The following DSCAML1 variants were observed in gnomAD, a reference collection of about 807,000 sequenced individuals.
DSCAML1 encodes DS cell adhesion molecule like 1, also known as cell adhesion molecule DSCAML1.
Under a neutral mutation model 200.5 loss-of-function variants are expected in DSCAML1, and 38 were observed. The observed-to-expected ratio is 0.19, with a 90% confidence interval of 0.15 to 0.25. The LOEUF (loss-of-function observed/expected upper bound fraction) is 0.25, where lower values mean the gene tolerates loss of function less well. Ranked by LOEUF, DSCAML1 falls within the 10% of genes least tolerant of loss-of-function variation. DSCAML1 has a pLI of 1.00. For missense variants in DSCAML1, 2,223 were observed against 2,858.8 expected (o/e 0.78, Z 5.07); for synonymous variants, 1,215 against 1,165.0 (o/e 1.04, Z -0.87).
At chr11:117,446,951 T>C (rs960201992) in intron 20 of DSCAML1, among the ~76,000 whole-genome samples, 5 of 152,152 alleles carry the variant, frequency 3.3e-5, no homozygotes, top group Admixed American at 6.5e-5. Context: ...TACAGAACAA[T>C]GGGAGACTGG....
intron 3 of DSCAML1, among the ~76,000 whole-genome samples, chr11:117,720,468 G>A (rs769636934): frequency 6.6e-6 from 1 of 152,186 alleles, no homozygotes; most frequent in African/African-American, 2.4e-5. Flanking sequence ...CCAGCCTCCC[G>A]GCCTTTGGAG....
chr11:117,574,521 A>G (rs1423441802), intron 3 of DSCAML1, among the ~76,000 whole-genome samples: 1 of 152,016 alleles, frequency 6.6e-6, no homozygotes, highest in Non-Finnish European at 1.5e-5. Flanking sequence ...TTTTCTCCAG[A>G]TGCAGGGGCC....
intron 19 of DSCAML1, among the ~76,000 whole-genome samples, chr11:117,453,746 C>CTTTTTTTTT (rs138176049): frequency 7.2e-6 from 1 of 138,174 alleles, no homozygotes; most frequent in African/African-American, 2.8e-5. Context: ...TTCTTTCTTT[C>CTTTTTTTTT]TTTTTTTTTT....
intron 30 of DSCAML1, among the ~76,000 whole-genome samples, 153 bp from the exon 31 acceptor site, chr11:117,431,881 C>T (rs560506081): frequency 1.3e-5 from 2 of 152,270 alleles, no homozygotes; most frequent in Admixed American, 6.5e-5. Flanking sequence ...CTAACCACAT[C>T]GCTGTCCCCA....
intron 20 of DSCAML1, 131 bp from the exon 21 acceptor site, chr11:117,444,170 G>T: frequency 1.8e-6 from 2 of 1,133,228 alleles, no homozygotes; most frequent in Non-Finnish European, 1.2e-6. Context: ...TGTCCTATTT[G>T]CCCTTTCCAA....
In DSCAML1 at chr11:117,469,922, C is replaced by G. The variant is rs2048651852; in HGVS notation, c.3012G>C (p.Gln1004His). 1 of 1,607,156 alleles carries G rather than the reference C, an allele frequency of 6.2e-7. No homozygotes were observed. The highest frequency in any genetic ancestry group is 2.2e-5 in the East Asian group (1 of 44,710). Reference sequence around the variant, plus strand: ...TAGACACACTTACCTTCCAGGTCACCTGGATGCTCTGTGAGGTCACTGGCT... The same window carrying G: ...TAGACACACTTACCTTCCAGGTCACGTGGATGCTCTGTGAGGTCACTGGCT... Reference protein sequence around the residue: ...TLQPVTSQSIQVTWKAPKKEL... With the variant: ...TLQPVTSQSIHVTWKAPKKEL... Residue 1004 changes from glutamine to histidine, a missense_variant, in exon 16 of 33, where the codon CAG becomes CAC. Gln to His is a conservative substitution (Grantham distance 24). This residue lies in a region of DSCAML1 where 438 missense variants were observed against 629.7 expected (regional missense o/e 0.70). Transcript: ENST00000651296. This position sits in a 1 kb window ranked among gnomAD's most constrained non-coding sequence, Gnocchi z 4.1.
rs753302101 is a variant in DSCAML1, at chr11:117,428,485, G to A, written c.6005C>T (p.Ala2002Val). 23 of 1,531,262 alleles carry A rather than the reference G, an allele frequency of 1.5e-5. No homozygotes were observed. The highest frequency in any genetic ancestry group is 4.1e-4 in the Middle Eastern group (2 of 4,884). The allele number at this position is 1,531,262 out of a possible 1,614,324, so 94.9% of individuals were successfully genotyped here. ...AGGCTCGGTGCTGGGGGCCGGAGGGGCAGCGCTGGGGGCGGTGGGTGGCTC... is the reference window on the plus strand; with the variant it reads ...AGGCTCGGTGCTGGGGGCCGGAGGGACAGCGCTGGGGGCGGTGGGTGGCTC... ...PAEPPTAPSA[A>V]PPAPSTEPPR... Residue 2002 changes from alanine (A) to valine (V), a missense_variant, in exon 33 of 33, where the codon GCC becomes GTC. Physicochemically the swap from Ala to Val is moderately conservative, Grantham distance 64. Around this residue, in one of 7 missense-constraint regions of DSCAML1, gnomAD observed 280 missense variants for 213.4 expected, o/e 1.31. Transcript: ENST00000651296.
chr11:117,615,977 C>A (rs1412160584), intron 3 of DSCAML1, among the ~76,000 whole-genome samples: 1 of 152,212 alleles, frequency 6.6e-6, no homozygotes, highest in African/African-American at 2.4e-5. Context: ...AGCCAGCTCA[C>A]AACCACCATT....
At chr11:117,613,263 C>T (rs1274806516) in intron 3 of DSCAML1, among the ~76,000 whole-genome samples, 1 of 151,838 alleles carries the variant, frequency 6.6e-6, no homozygotes, top group African/African-American at 2.4e-5. Flanking sequence ...GGGACGCACA[C>T]CAGGCACCCC....
chr11:117,653,965 G>A (rs1209421013), intron 3 of DSCAML1, among the ~76,000 whole-genome samples: 1 of 152,198 alleles, frequency 6.6e-6, no homozygotes, highest in African/African-American at 2.4e-5. Context: ...GTTTGAGGCT[G>A]CAGTGAGCTA....
In DSCAML1 at chr11:117,780,231, G is replaced by GGAAAGAAAGAAAGAAAGAAA. The variant is rs762329735; in HGVS notation, c.364+242_364+261dup. 4.0e-4 allele frequency among the ~76,000 whole-genome samples: 24 copies of GGAAAGAAAGAAAGAAAGAAA among 60,708 alleles called. No homozygotes were observed. Among genetic ancestry groups the GGAAAGAAAGAAAGAAAGAAA allele is most frequent in the Middle Eastern group, 7.2e-3 (1 of 138 alleles). The allele number at this position is 60,708 out of a possible 152,430, so 39.8% of individuals were successfully genotyped here. A position where few individuals can be genotyped will look rare whatever the true frequency, so the allele number is the denominator to read the frequency against. Reference sequence around the variant, plus strand: ...AAAGAGAGAGAGAGAAAGAAAGAAAGGAAAGAAAGAAAGAAAGAAAGAAAG... The same window carrying GGAAAGAAAGAAAGAAAGAAA: ...AAAGAGAGAGAGAGAAAGAAAGAAAGGAAAGAAAGAAAGAAAGAAAGAAAGAAAGAAAGAAAGAAAGAAAG... On this transcript the variant is annotated intron_variant, in intron 2 of 32. Coordinates refer to ENST00000651296, the MANE Select transcript of DSCAML1 (RefSeq NM_020693.4). The surrounding 1 kb of genome is among the most constrained non-coding windows in gnomAD (Gnocchi z 4.8).
chr11:117,687,316 A>T (rs2053416966), intron 3 of DSCAML1, among the ~76,000 whole-genome samples: 1 of 152,062 alleles, frequency 6.6e-6, no homozygotes, highest in Non-Finnish European at 1.5e-5. Flanking sequence ...GCTGGAGTGC[A>T]GTGATGCAAT....
intron 3 of DSCAML1, among the ~76,000 whole-genome samples, chr11:117,636,103 A>G (rs1478815802): frequency 6.6e-6 from 1 of 152,120 alleles, no homozygotes; most frequent in African/African-American, 2.4e-5. Context: ...GAAGCCAGGG[A>G]CCTTGCCCTG....
intron 3 of DSCAML1, among the ~76,000 whole-genome samples, chr11:117,553,975 AAAGG>A (rs2050513528): frequency 6.6e-6 from 1 of 152,270 alleles, no homozygotes; most frequent in African/African-American, 2.4e-5. Flanking sequence ...TCAGCCTTTA[AAAGG>A]AAGGAAATTC....
intron 3 of DSCAML1, among the ~76,000 whole-genome samples, chr11:117,549,573 T>C (rs1306478711): frequency 6.6e-6 from 1 of 152,208 alleles, no homozygotes; most frequent in Admixed American, 6.5e-5. Flanking sequence ...AGAGTTGTAG[T>C]GGTCACGTGA....
chr11:117,492,918 A>AC (rs1046695761), intron 11 of DSCAML1, among the ~76,000 whole-genome samples: 7 of 152,326 alleles, frequency 4.6e-5, no homozygotes, highest in Admixed American at 3.9e-4. Flanking sequence ...TCTCCTGATT[A>AC]GCCAAGCTCC....
intron 3 of DSCAML1, among the ~76,000 whole-genome samples, chr11:117,688,209 C>T (rs1188131567): frequency 6.6e-6 from 1 of 152,216 alleles, no homozygotes; most frequent in African/African-American, 2.4e-5. Context: ...AAAACTGCTA[C>T]AGAGGTGCCA....
chr11:117,611,210 T>G (rs1477745987), intron 3 of DSCAML1: 1 of 152,172 alleles, frequency 6.6e-6, no homozygotes, highest in East Asian at 1.9e-4. Context: ...ATTCCCTTAC[T>G]CAGGATGTTC....
At position 117,769,282 on chromosome 11, in the gene DSCAML1, TATA is replaced by T. The variant is rs1453616562; in HGVS notation, c.511+7506_511+7508del. On this transcript the variant is annotated intron_variant, in intron 3 of 32. Coordinates refer to ENST00000651296, the MANE Select transcript of DSCAML1 (RefSeq NM_020693.4). ...ATATATTTTATATATTTATATATTATATATTTTATATATTTATATATATTTTTA... is the reference window on the plus strand; with the variant it reads ...ATATATTTTATATATTTATATATTATTTTTATATATTTATATATATTTTTA... Among the ~76,000 whole-genome samples the T allele has an allele frequency of 2.1e-3, 7 of 3,366 alleles. 1 individual carries two copies. The highest frequency in any genetic ancestry group is 1.7e-3 in the African/African-American group (5 of 3,014). The allele number at this position is 3,366 out of a possible 152,430, so 2.2% of individuals were successfully genotyped here. A position where few individuals can be genotyped will look rare whatever the true frequency, so the allele number is the denominator to read the frequency against.
Sources: allele counts gnomAD v4.1 joint callset (sites outside exome capture counted in the v4.1 genomes callset), GRCh38; gene constraint gnomAD v4.1.1; regional missense constraint gnomAD v4.1.1; non-coding constraint Gnocchi (gnomAD v3.1); transcripts MANE v1.5; gene names NCBI Gene and HGNC (gene_info 2026-07-23, HGNC 2026-07-21).